Variants in C1QTNF3 observed in about 807,000 individuals in gnomAD.
C1QTNF3 encodes the protein complement C1q tumor necrosis factor-related protein 3.
In C1QTNF3, 26 loss-of-function variants were observed where a neutral mutation model predicts 32.6. The observed-to-expected ratio is 0.80, with a 90% CI of 0.58 to 1.11. C1QTNF3 has a LOEUF of 1.11. C1QTNF3 is among the 50% of genes least tolerant of loss of function. The pLI is 0.00. For synonymous variants in C1QTNF3, 155 were observed against 146.0 expected, an observed-to-expected ratio of 1.06 and a Z score of -0.44; for missense variants, 362 against 398.2, an observed-to-expected ratio of 0.91 and a Z score of 0.77.
chr5:34,026,870 T>G (rs1455789657), intron 4 of C1QTNF3, among the ~76,000 whole-genome samples: 2 of 152,180 alleles, frequency 1.3e-5, no homozygotes, highest in East Asian at 3.8e-4. Context: ...AGCCATGAAT[T>G]TATACTAATA....
At chr5:34,223,010 T>A in the C1QTNF3 span, among the ~76,000 whole-genome samples, 18 of 152,054 alleles carry the variant, frequency 1.2e-4, no homozygotes, top group East Asian at 3.9e-4. Flanking sequence ...AACATTTTTT[T>A]AAAAAATGTT....
chr5:34,238,178 C>T, the C1QTNF3 span, among the ~76,000 whole-genome samples: 1 of 152,118 alleles, frequency 6.6e-6, no homozygotes. Flanking sequence ...AACACTAACC[C>T]TACCAGAAGA....
chr5:34,208,922 CA>C, the C1QTNF3 span, among the ~76,000 whole-genome samples: 1 of 152,100 alleles, frequency 6.6e-6, no homozygotes, highest in Non-Finnish European at 1.5e-5. Context: ...CGGTCTCAAC[CA>C]GGGGTGATTT....
the C1QTNF3 span, among the ~76,000 whole-genome samples, chr5:34,161,656 C>T: frequency 2.3e-4 from 35 of 152,234 alleles, no homozygotes; most frequent in African/African-American, 8.2e-4. Context: ...GTCCATTGGA[C>T]TTTTGACAGG....
chr5:34,042,323 C>T lies in C1QTNF3; in HGVS notation c.303+500G>A, dbSNP rs182584646. ...TCTAGAATGCTATAAATCAAATAAA[C>T]AAGACTGCCATGAAATGTCACAGTA... On this transcript the variant is annotated intron_variant, in intron 1 of 5. Transcript: ENST00000382065. 6.6e-5 allele frequency among the ~76,000 whole-genome samples: 10 copies of T among 152,090 alleles called. No homozygotes were observed. The East Asian group carries it at 1.5e-3, about 23-fold the overall frequency.
the C1QTNF3 span, among the ~76,000 whole-genome samples, chr5:34,127,782 T>G: frequency 3.3e-5 from 5 of 151,590 alleles, no homozygotes; most frequent in East Asian, 1.9e-4. Context: ...TACAGTCACA[T>G]GCATTCACAA....
the C1QTNF3 span, among the ~76,000 whole-genome samples, chr5:34,148,334 C>T: frequency 1.1e-5 from 1 of 91,202 alleles, no homozygotes; most frequent in African/African-American, 4.3e-5. Context: ...CCAGGAAGCT[C>T]GAACTGGGTG....
chr5:34,069,505 G>A, the C1QTNF3 span, among the ~76,000 whole-genome samples: 7 of 152,256 alleles, frequency 4.6e-5, no homozygotes, highest in Non-Finnish European at 8.8e-5. Context: ...ACAAATTAAT[G>A]AATGGCTATA....
upstream of C1QTNF3, chr5:34,043,934 T>C (rs1435031944): frequency 6.6e-6 from 1 of 152,198 alleles, no homozygotes; most frequent in Non-Finnish European, 1.5e-5. Flanking sequence ...TTTTGACATA[T>C]TCTTGATTAA....
At chr5:34,030,538 C>T (rs1037274304) in intron 3 of C1QTNF3, among the ~76,000 whole-genome samples, 17 of 152,260 alleles carry the variant, frequency 1.1e-4, no homozygotes, top group Admixed American at 4.6e-4. Context: ...ACTATTGTTG[C>T]CACCTCTATA....
At chr5:34,072,466 TG>T in the C1QTNF3 span, among the ~76,000 whole-genome samples, 5 of 152,178 alleles carry the variant, frequency 3.3e-5, no homozygotes, top group Admixed American at 2.0e-4. Context: ...GCTCAGCAAA[TG>T]ATGGATCATT....
the C1QTNF3 span, among the ~76,000 whole-genome samples, chr5:34,057,729 A>G: frequency 4.1e-4 from 63 of 152,210 alleles, 1 homozygote; most frequent in Non-Finnish European, 8.8e-5. Context: ...GTTTTACGGC[A>G]TTGAGGAAGG....
chr5:34,060,955 CCA>C, the C1QTNF3 span, among the ~76,000 whole-genome samples: 1 of 152,306 alleles, frequency 6.6e-6, no homozygotes, highest in East Asian at 1.9e-4. Context: ...ACTCAAAAAT[CCA>C]CAGTCCAAAG....
chr5:34,159,644 A>G, the C1QTNF3 span, among the ~76,000 whole-genome samples: 74 of 152,194 alleles, frequency 4.9e-4, no homozygotes, highest in African/African-American at 1.7e-3. Flanking sequence ...TCTTTATTCT[A>G]TTTTATTAGA....
the C1QTNF3 span, among the ~76,000 whole-genome samples, chr5:34,145,508 C>T: frequency 2.0e-5 from 3 of 151,512 alleles, no homozygotes; most frequent in African/African-American, 7.3e-5. Context: ...AACCTACCAA[C>T]CAAAAAAAGC....
chr5:34,056,025 C>T, the C1QTNF3 span, among the ~76,000 whole-genome samples: 5 of 152,186 alleles, frequency 3.3e-5, no homozygotes, highest in African/African-American at 4.8e-5. Flanking sequence ...GTCATTGTCA[C>T]TGGAATTTCA....
the C1QTNF3 span, among the ~76,000 whole-genome samples, chr5:34,177,480 C>CTTTTTTTTTT: frequency 1.2e-5 from 1 of 84,640 alleles, no homozygotes; most frequent in Non-Finnish European, 2.1e-5. Context: ...CCATACCCAA[C>CTTTTTTTTTT]TTTTTTTTTT....
chr5:34,060,543 G>A, the C1QTNF3 span, among the ~76,000 whole-genome samples: 1 of 152,138 alleles, frequency 6.6e-6, no homozygotes, highest in Non-Finnish European at 1.5e-5. Flanking sequence ...CCAAGACTGG[G>A]GGCAATTTAT....
the C1QTNF3 span, chr5:34,175,905 T>C: frequency 1.6e-5 from 13 of 817,620 alleles, no homozygotes; most frequent in Non-Finnish European, 2.4e-5. Context: ...ACCCAGATGG[T>C]ACTGCTCTAG....
Sources: gnomAD v4.1 joint callset for allele counts (sites outside exome capture counted in the v4.1 genomes callset) on GRCh38, gnomAD v4.1.1 for gene constraint, MANE v1.5 for transcripts, NCBI Gene and HGNC (gene_info 2026-07-23, HGNC 2026-07-21) for gene names.